ZEB1: variants seen among roughly 807,000 people sequenced by gnomAD.
The protein encoded by ZEB1 is zinc finger E-box binding homeobox 1, also known as zinc finger E-box-binding homeobox 1.
In ZEB1, 21 loss-of-function variants were observed where a neutral mutation model predicts 84.9. The observed-to-expected ratio is 0.25, with a 90% CI of 0.18 to 0.36. ZEB1 has a LOEUF of 0.36. Ranked by LOEUF, ZEB1 falls within the 10% of genes least tolerant of loss-of-function variation. The probability of loss-of-function intolerance (pLI) is 1.00; values close to 1 mark genes in which losing one functional copy is unlikely to be tolerated. For synonymous variants in ZEB1, 420 were observed against 471.1 expected (o/e 0.89, Z 1.41); for missense variants, 1,104 against 1,330.2 (o/e 0.83, Z 2.65).
rs531150643 is a variant in ZEB1, at chr10:31,361,790, A to G, written c.58+42498A>G. 7.7e-3 allele frequency among the ~76,000 whole-genome samples: 811 copies of G among 105,016 alleles called. 14 individuals are homozygous for G. Among genetic ancestry groups the G allele is most frequent in the African/African-American group, 0.028 (772 of 27,282 alleles). The allele number at this position is 105,016 out of a possible 152,430, so 68.9% of individuals were successfully genotyped here. On this transcript the variant is annotated intron_variant, in intron 1 of 8. Coordinates refer to ENST00000424869, the MANE Select transcript of ZEB1 (RefSeq NM_001174096.2). Reference sequence around the variant, plus strand: ...GCCAGGCAGAGGCACTCCTCACTTCACAGACAGGACGGCAGCAGGGCAGAG... The same window carrying G: ...GCCAGGCAGAGGCACTCCTCACTTCGCAGACAGGACGGCAGCAGGGCAGAG...
chr10:31,334,403 A>C (rs1300772968), intron 1 of ZEB1, among the ~76,000 whole-genome samples: 1 of 152,126 alleles, frequency 6.6e-6, no homozygotes, highest in Non-Finnish European at 1.5e-5. Context: ...TTGTGGATCA[A>C]AGAAAAACTT....
chr10:31,496,410 G>A (rs909233125), intron 3 of ZEB1, among the ~76,000 whole-genome samples: 3 of 152,000 alleles, frequency 2.0e-5, no homozygotes, highest in Non-Finnish European at 4.4e-5. Context: ...TTGCTTTTAG[G>A]TGACTAAAAA....
At chr10:31,453,047 C>T (rs1196528471) in intron 1 of ZEB1, among the ~76,000 whole-genome samples, 1 of 152,034 alleles carries the variant, frequency 6.6e-6, no homozygotes, top group Non-Finnish European at 1.5e-5. Context: ...TAAAAGTAGT[C>T]TGTTAGTTTT....
At chr10:31,327,099 CTTTT>C (rs71527629) in intron 1 of ZEB1, among the ~76,000 whole-genome samples, 67 of 84,936 alleles carry the variant, frequency 7.9e-4, no homozygotes, top group African/African-American at 3.0e-3. Flanking sequence ...CTTTTCTTTT[CTTTT>C]TTTTTTTTTT....
intron 1 of ZEB1, chr10:31,381,609 A>G (rs2047647171): frequency 6.6e-6 from 1 of 152,200 alleles, no homozygotes; most frequent in Admixed American, 6.5e-5. Context: ...GTCCTACTAA[A>G]TATCAAAAGG....
chr10:31,444,315 C>G (rs1176285876), intron 1 of ZEB1, among the ~76,000 whole-genome samples: 1 of 139,990 alleles, frequency 7.1e-6, no homozygotes, highest in African/African-American at 2.7e-5. Flanking sequence ...GGATATTAGC[C>G]CTTTGTCAGA....
intron 6 of ZEB1, among the ~76,000 whole-genome samples, chr10:31,515,072 T>G (rs796170961): frequency 2.6e-5 from 4 of 152,008 alleles, no homozygotes; most frequent in African/African-American, 9.7e-5. Flanking sequence ...CACAAGAGAA[T>G]AGGGAAGTGA....
chr10:31,463,285 G>A lies in ZEB1; in HGVS notation c.259+2048G>A, dbSNP rs376350286. On this transcript the variant is annotated intron_variant, in intron 2 of 8. Transcript: ENST00000424869. ...GAGAATATGTTGGGTTCGATTATTT[G>A]AACTAACCCTTTTTACTGAAAACAA... is the stretch of plus-strand genomic sequence containing the variant. 5.5e-4 allele frequency among the ~76,000 whole-genome samples: 83 copies of A among 152,212 alleles called. 2 individuals carry two copies. Among genetic ancestry groups the A allele is most frequent in the African/African-American group, 1.9e-3 (81 of 41,540 alleles).
At position 31,339,573 on chromosome 10, in the gene ZEB1, G is replaced by A. The variant is rs1419291143; in HGVS notation, c.58+20281G>A. Among the ~76,000 whole-genome samples, 4 of 152,002 alleles carry A rather than the reference G, an allele frequency of 2.6e-5. No individual in the cohort carries two copies. The South Asian group carries it at 8.3e-4, about 32-fold the overall frequency. ...TCACAAGGTCAGGAGTTCGAGACCA[G>A]CCTGACCAATGTGGTGAAACCCCTT... On this transcript the variant is annotated intron_variant, in intron 1 of 8. Coordinates refer to ENST00000424869, the MANE Select transcript of ZEB1 (RefSeq NM_001174096.2).
intron 2 of ZEB1, among the ~76,000 whole-genome samples, chr10:31,494,616 A>G (rs2066978909): frequency 6.6e-6 from 1 of 152,034 alleles, no homozygotes; most frequent in African/African-American, 2.4e-5. Context: ...TAGGGTGCAG[A>G]TAAGTACACT....
chr10:31,326,193 A>G (rs1000952030), intron 1 of ZEB1, among the ~76,000 whole-genome samples: 1 of 152,172 alleles, frequency 6.6e-6, no homozygotes, highest in African/African-American at 2.4e-5. Flanking sequence ...CCAGGCAGAT[A>G]CAGTGACATA....
intron 2 of ZEB1, among the ~76,000 whole-genome samples, chr10:31,461,934 A>T (rs1204743899): frequency 6.6e-6 from 1 of 152,156 alleles, no homozygotes; most frequent in African/African-American, 2.4e-5. Context: ...GTTAAGCACC[A>T]ATGATATAAA....
chr10:31,370,553 T>C (rs977755230), intron 1 of ZEB1, among the ~76,000 whole-genome samples: 1 of 152,234 alleles, frequency 6.6e-6, no homozygotes, highest in African/African-American at 2.4e-5. Flanking sequence ...AAGCTAATAG[T>C]ATAAAAAGAG....
At chr10:31,382,693 A>C (rs1180462994) in intron 1 of ZEB1, among the ~76,000 whole-genome samples, 2 of 152,168 alleles carry the variant, frequency 1.3e-5, no homozygotes, top group Admixed American at 1.3e-4. Context: ...AAGATACTTG[A>C]ATATTAAAAA....
rs545917883 is a variant in ZEB1, at chr10:31,406,005, C to G, written c.59-55032C>G. Among the ~76,000 whole-genome samples, 207 of 152,166 alleles carry G rather than the reference C, an allele frequency of 1.4e-3. 1 individual carries two copies. The highest frequency in any genetic ancestry group is 2.1e-3 in the Non-Finnish European group (142 of 67,994). On this transcript the variant is annotated intron_variant, in intron 1 of 8. Coordinates refer to ENST00000424869, the MANE Select transcript of ZEB1 (RefSeq NM_001174096.2). The stretch of plus-strand genomic sequence containing the variant: ...GATGGTTTCCAACTTCATCCATGTC[C>G]CTGCAAAGGACATGAACTCATCCTT...
At chr10:31,341,724 G>GT (rs1564521032) in intron 1 of ZEB1, among the ~76,000 whole-genome samples, 1 of 152,084 alleles carries the variant, frequency 6.6e-6, no homozygotes, top group Non-Finnish European at 1.5e-5. Flanking sequence ...GAACAGAAGT[G>GT]TTTCAGAGTC....
At chr10:31,442,159 A>C (rs1416183796) in intron 1 of ZEB1, among the ~76,000 whole-genome samples, 1 of 152,248 alleles carries the variant, frequency 6.6e-6, no homozygotes, top group Admixed American at 6.5e-5. Context: ...GAACCAACCC[A>C]AATGTCCATC....
At chr10:31,349,264 A>G (rs2040876768) in intron 1 of ZEB1, among the ~76,000 whole-genome samples, 1 of 152,210 alleles carries the variant, frequency 6.6e-6, no homozygotes, top group African/African-American at 2.4e-5. Flanking sequence ...TTCTCTTTGA[A>G]GGAAGAATAG....
chr10:31,453,144 G>A lies in ZEB1; in HGVS notation c.59-7893G>A, dbSNP rs1564926374. ...CTTAGGGGCTTGATGGCAATGAGTG[G>A]GATATAGTTAAGCACATATTAAAGG... On this transcript the variant is annotated intron_variant, in intron 1 of 8. Transcript: ENST00000424869. Among the ~76,000 whole-genome samples, 4 of 151,996 alleles carry A rather than the reference G, an allele frequency of 2.6e-5. No individual in the cohort carries two copies. The South Asian group carries it at 6.2e-4, about 24-fold the overall frequency.
Sources: gnomAD v4.1 joint callset for allele counts (sites outside exome capture counted in the v4.1 genomes callset) on GRCh38, gnomAD v4.1.1 for gene constraint, MANE v1.5 for transcripts, NCBI Gene and HGNC (gene_info 2026-07-23, HGNC 2026-07-21) for gene names.